ZNF385D: variants seen among roughly 807,000 people sequenced by gnomAD.
ZNF385D encodes the protein zinc finger protein 659.
ZNF385D carries 15 observed loss-of-function variants against 35.8 expected under a neutral mutation model. The observed-to-expected ratio is 0.42, with a 90% CI of 0.28 to 0.64. The LOEUF is 0.64. ZNF385D is among the 30% of genes least tolerant of loss of function. The pLI is 0.23. For synonymous variants in ZNF385D, 212 were observed against 186.8 expected, an observed-to-expected ratio of 1.13 and a Z score of -1.10; for missense variants, 474 against 494.6, an observed-to-expected ratio of 0.96 and a Z score of 0.39.
chr3:21,629,243 C>A (rs974006510), intron 2 of ZNF385D, among the ~76,000 whole-genome samples: 2 of 151,976 alleles, frequency 1.3e-5, no homozygotes, highest in African/African-American at 4.8e-5. Flanking sequence ...GCAGGAGAGA[C>A]AAAAATGTGC....
At chr3:21,966,202 G>A (rs940005434) in intron 3 of ZNF385D, among the ~76,000 whole-genome samples, 3 of 152,102 alleles carry the variant, frequency 2.0e-5, no homozygotes, top group Non-Finnish European at 2.9e-5. Context: ...TATAGTATAG[G>A]ACTTTAGGTA....
chr3:21,976,053 G>C (rs1703600850), intron 3 of ZNF385D, among the ~76,000 whole-genome samples: 1 of 152,098 alleles, frequency 6.6e-6, no homozygotes, highest in African/African-American at 2.4e-5. Context: ...CTCTAACTGG[G>C]ACACCTTGAG....
At chr3:21,598,070 A>G (rs1339186054) in intron 2 of ZNF385D, among the ~76,000 whole-genome samples, 1 of 152,228 alleles carries the variant, frequency 6.6e-6, no homozygotes, top group African/African-American at 2.4e-5. Flanking sequence ...GAATACCTAT[A>G]GCAAACACAT....
intron 3 of ZNF385D, among the ~76,000 whole-genome samples, chr3:22,041,429 G>A (rs374443034): frequency 2.6e-5 from 4 of 152,222 alleles, no homozygotes; most frequent in African/African-American, 9.6e-5. Flanking sequence ...AAATCATTAA[G>A]CAAAGTGTTA....
chr3:21,470,791 C>A (rs1403067249), intron 4 of ZNF385D, among the ~76,000 whole-genome samples: 1 of 151,858 alleles, frequency 6.6e-6, no homozygotes, highest in Non-Finnish European at 1.5e-5. Context: ...GTCAAAAATC[C>A]TGTCTTTTTG....
At chr3:22,310,051 C>A (rs9809739) in intron 2 of ZNF385D, among the ~76,000 whole-genome samples, 9,209 of 151,968 alleles carry the variant, frequency 0.061, 694 homozygotes, top group African/African-American at 0.18. Context: ...TTGATCCAAG[C>A]AGAAATAAGA....
intron 1 of ZNF385D, among the ~76,000 whole-genome samples, chr3:21,719,725 C>T (rs911885869): frequency 9.2e-5 from 14 of 152,016 alleles, no homozygotes; most frequent in Non-Finnish European, 1.8e-4. Flanking sequence ...AGAAGCAGCC[C>T]GACTGGAACT....
intron 4 of ZNF385D, among the ~76,000 whole-genome samples, chr3:21,486,385 C>G (rs1705030746): frequency 2.6e-5 from 4 of 151,840 alleles, no homozygotes; most frequent in African/African-American, 9.7e-5. Context: ...TTCAGAGACT[C>G]AAATTTGACA....
intron 2 of ZNF385D, among the ~76,000 whole-genome samples, chr3:22,221,212 C>T (rs1389931969): frequency 2.0e-5 from 3 of 152,018 alleles, no homozygotes; most frequent in Admixed American, 2.0e-4. Flanking sequence ...TGTATACATA[C>T]ATTTGTAAAT....
chr3:22,072,619 A>G (rs1235852014), intron 3 of ZNF385D, among the ~76,000 whole-genome samples: 2 of 152,034 alleles, frequency 1.3e-5, no homozygotes, highest in African/African-American at 2.4e-5. Flanking sequence ...AATCAAAACT[A>G]AAAAGAATCA....
chr3:22,332,260 T>G (rs1197262517), intron 2 of ZNF385D, among the ~76,000 whole-genome samples: 2 of 152,124 alleles, frequency 1.3e-5, no homozygotes, highest in Non-Finnish European at 2.9e-5. Context: ...ATTGCAGAAC[T>G]AGAACTACGG....
intron 3 of ZNF385D, among the ~76,000 whole-genome samples, chr3:22,167,224 T>C (rs375723038): frequency 1.3e-4 from 20 of 152,192 alleles, no homozygotes; most frequent in African/African-American, 4.3e-4. Context: ...TTACCTATTT[T>C]ACAAATACCA....
chr3:21,433,008 A>G (rs1211928185), intron 5 of ZNF385D, among the ~76,000 whole-genome samples: 1 of 152,132 alleles, frequency 6.6e-6, no homozygotes, highest in Non-Finnish European at 1.5e-5. Flanking sequence ...AAATGCCATT[A>G]TGGCTTCTTA....
intron 3 of ZNF385D, among the ~76,000 whole-genome samples, chr3:22,066,321 T>C (rs1177648091): frequency 2.5e-5 from 1 of 40,442 alleles, no homozygotes; most frequent in Non-Finnish European, 4.2e-5. Context: ...TGTGTGTGTA[T>C]GTGTGTGTAT....
chr3:21,592,787 CAGTT>C (rs776393293), intron 2 of ZNF385D, among the ~76,000 whole-genome samples: 17 of 152,142 alleles, frequency 1.1e-4, no homozygotes, highest in Non-Finnish European at 8.8e-5. Context: ...AAGTAGAAAA[CAGTT>C]AGAATCTGTC....
In ZNF385D at chr3:21,739,446, T is replaced by C. The variant is rs181493215; in HGVS notation, c.22+11449A>G. On this transcript the variant is annotated intron_variant, in intron 1 of 7. Transcript: ENST00000281523. Reference sequence around the variant, plus strand: ...GTCAGGAGATGGAAGGCACAGTCATTAGCTGCAGCCGCCCTCATAAGTTGT... The same window carrying C: ...GTCAGGAGATGGAAGGCACAGTCATCAGCTGCAGCCGCCCTCATAAGTTGT... Among the ~76,000 whole-genome samples, 11 of 152,252 alleles carry C rather than the reference T, an allele frequency of 7.2e-5. No homozygotes were observed. The East Asian group carries it at 1.7e-3, about 24-fold the overall frequency.
intron 2 of ZNF385D, among the ~76,000 whole-genome samples, chr3:21,593,050 A>G (rs2064026969): frequency 6.6e-6 from 1 of 152,082 alleles, no homozygotes; most frequent in Non-Finnish European, 1.5e-5. Context: ...CCACACATCT[A>G]CAGCCACCCG....
At chr3:21,544,353 A>C (rs9819663) in intron 3 of ZNF385D, among the ~76,000 whole-genome samples, 54,554 of 151,884 alleles carry the variant, frequency 0.36, 9,908 homozygotes, top group East Asian at 0.46. Flanking sequence ...GTTTTCCCTT[A>C]AAGTTAAAAA....
chr3:22,041,211 C>G (rs1698643923), intron 3 of ZNF385D, among the ~76,000 whole-genome samples: 1 of 152,066 alleles, frequency 6.6e-6, no homozygotes, highest in African/African-American at 2.4e-5. Flanking sequence ...GAGAAAAACT[C>G]TCTGAAAAAT....
Sources: allele counts gnomAD v4.1 joint callset (sites outside exome capture counted in the v4.1 genomes callset), GRCh38; gene constraint gnomAD v4.1.1; transcripts MANE v1.5; gene names NCBI Gene and HGNC (gene_info 2026-07-23, HGNC 2026-07-21).